The following CSMD1 variants were observed in gnomAD, a reference collection of about 807,000 sequenced individuals.
The protein encoded by CSMD1 is CUB and sushi domain-containing protein 1.
In CSMD1, 213 loss-of-function variants were observed where a neutral mutation model predicts 417.5. The ratio of observed to expected loss-of-function variants is 0.51; its 90% confidence interval spans 0.46 to 0.57. CSMD1 has a LOEUF of 0.57. Among genes scored for constraint, CSMD1 ranks in the 20% least tolerant of loss-of-function variants. The probability of loss-of-function intolerance (pLI) is 0.00; values close to 1 mark genes in which losing one functional copy is unlikely to be tolerated. For missense variants in CSMD1, 6,923 were observed against 4,529.7 expected, an observed-to-expected ratio of 1.53 and a Z score of -15.17; for synonymous variants, 2,862 against 1,736.8, an observed-to-expected ratio of 1.65 and a Z score of -16.11.
chr8:4,917,032 T>C (rs1284905565), intron 1 of CSMD1, among the ~76,000 whole-genome samples: 1 of 152,134 alleles, frequency 6.6e-6, no homozygotes, highest in Non-Finnish European at 1.5e-5. Context: ...GACTGGGTAA[T>C]TTTTGAAGAA....
chr8:3,338,944 C>T (rs1807458943), intron 23 of CSMD1, among the ~76,000 whole-genome samples: 1 of 151,322 alleles, frequency 6.6e-6, no homozygotes, highest in South Asian at 2.1e-4. Context: ...ACTAACTCGT[C>T]ATCTAGCATT....
intron 10 of CSMD1, among the ~76,000 whole-genome samples, chr8:3,571,851 T>A (rs1215984100): frequency 6.6e-6 from 1 of 152,128 alleles, no homozygotes; most frequent in Admixed American, 6.5e-5. Flanking sequence ...TTCCAAACTC[T>A]GCGTCTCACG....
chr8:3,411,806 A>C (rs1443886940), intron 12 of CSMD1, among the ~76,000 whole-genome samples: 3 of 124,186 alleles, frequency 2.4e-5, no homozygotes, highest in Non-Finnish European at 5.0e-5. Flanking sequence ...GTATATATAC[A>C]CGTATATATA....
At chr8:4,544,718 T>C (rs974156458) in intron 2 of CSMD1, among the ~76,000 whole-genome samples, 1 of 152,236 alleles carries the variant, frequency 6.6e-6, no homozygotes, top group Admixed American at 6.5e-5. Flanking sequence ...AAATTCATTC[T>C]CAGGCATGGG....
rs1351207733 is a variant in CSMD1 at position 4,000,114 on chromosome 8, G to T, written c.611-2004C>A. ...ATGTCTGTCCTGCCCCCCGCCCTCC[G>T]TGGGCACCACTGTGCAAGCACACAC... is the stretch of plus-strand genomic sequence containing the variant. On this transcript the variant is annotated intron_variant, in intron 4 of 69. Coordinates refer to ENST00000635120, the MANE Select transcript of CSMD1 (RefSeq NM_033225.6). 3.3e-5 allele frequency among the ~76,000 whole-genome samples: 5 copies of T among 152,158 alleles called. No individual in the cohort carries two copies. In the South Asian group the frequency reaches 1.0e-3, roughly 32 times the overall value.
intron 1 of CSMD1, among the ~76,000 whole-genome samples, chr8:4,847,847 C>A (rs138084762): frequency 2.6e-4 from 38 of 147,776 alleles, no homozygotes; most frequent in African/African-American, 9.3e-4. Flanking sequence ...GTATAAATTT[C>A]AGTGTTTCAT....
chr8:4,852,277 G>C (rs1033400942), intron 1 of CSMD1, among the ~76,000 whole-genome samples: 4 of 152,158 alleles, frequency 2.6e-5, no homozygotes, highest in Non-Finnish European at 4.4e-5. Flanking sequence ...CCTTGTGGGA[G>C]GTGCTGGGGT....
chr8:4,393,133 G>T (rs934395366), intron 3 of CSMD1, among the ~76,000 whole-genome samples: 32 of 151,540 alleles, frequency 2.1e-4, no homozygotes, highest in African/African-American at 7.8e-4. Context: ...GTGCCACCAC[G>T]CCCGACTAAT....
intron 12 of CSMD1, among the ~76,000 whole-genome samples, chr8:3,442,695 G>C (rs1426831178): frequency 6.6e-6 from 1 of 152,118 alleles, no homozygotes; most frequent in African/African-American, 2.4e-5. Context: ...ACGTATCCCT[G>C]TTGTTGTTAA....
chr8:3,266,466 C>A (rs745874072), intron 26 of CSMD1, among the ~76,000 whole-genome samples: 1 of 151,708 alleles, frequency 6.6e-6, no homozygotes, highest in African/African-American at 2.4e-5. Flanking sequence ...ATTAGCCGGG[C>A]ATGGTGGTAG....
chr8:4,867,468 G>A (rs2086849535), intron 1 of CSMD1, among the ~76,000 whole-genome samples: 1 of 152,038 alleles, frequency 6.6e-6, no homozygotes, highest in Non-Finnish European at 1.5e-5. Context: ...TTTATAGGCA[G>A]CAATTATCTG....
At chr8:4,841,930 A>AAAAAAAAAAAAAAAAAAAAAAAAAC (rs1192383183) in intron 1 of CSMD1, among the ~76,000 whole-genome samples, 4 of 122,420 alleles carry the variant, frequency 3.3e-5, no homozygotes, top group Non-Finnish European at 5.1e-5. Flanking sequence ...AAAAAAAAAA[A>AAAAAAAAAAAAAAAAAAAAAAAAAC]AAAAAAAAGT....
chr8:3,039,297 C>T (rs1362499623), intron 50 of CSMD1, among the ~76,000 whole-genome samples: 2 of 151,590 alleles, frequency 1.3e-5, no homozygotes, highest in Non-Finnish European at 2.9e-5. Context: ...TTCCTTACTT[C>T]CTTCCTCTCT....
chr8:3,187,750 T>G, intron 36 of CSMD1, 119 bp downstream of exon 36: 2 of 711,762 alleles, frequency 2.8e-6, no homozygotes, highest in Non-Finnish European at 4.9e-6. Context: ...GCAACCATTA[T>G]GGAGATAGAA....
chr8:3,974,103 T>TAATA lies in CSMD1; in HGVS notation c.818+23799_818+23800insTATT, dbSNP rs1563271977. The stretch of plus-strand genomic sequence containing the variant: ...GTAGGTCTTATTTATTATTTCTAAT[T>TAATA]ACTTTTTGTACCCACATAATAGGTA... On this transcript the variant is annotated intron_variant, in intron 5 of 69. Transcript: ENST00000635120. Among the ~76,000 whole-genome samples the TAATA allele has an allele frequency of 3.9e-4, 60 of 152,296 alleles. 1 individual carries two copies. The South Asian group carries it at 0.012, about 30-fold the overall frequency.
In CSMD1 at chr8:3,630,433, C is replaced by G. The variant is rs987579575; in HGVS notation, c.1010-13636G>C. ...AAAAAAGATGAATTGGCCCAAACCACTGAAACTTGAGAACAAGAAAGAAGA... is the reference window on the plus strand; with the variant it reads ...AAAAAAGATGAATTGGCCCAAACCAGTGAAACTTGAGAACAAGAAAGAAGA... On this transcript the variant is annotated intron_variant, in intron 7 of 69. Coordinates refer to ENST00000635120, the MANE Select transcript of CSMD1 (RefSeq NM_033225.6). Among the ~76,000 whole-genome samples the G allele has an allele frequency of 1.3e-5, 2 of 152,128 alleles. 1 individual carries two copies. Among genetic ancestry groups the G allele is most frequent in the Non-Finnish European group, 2.9e-5 (2 of 68,026 alleles).
intron 1 of CSMD1, among the ~76,000 whole-genome samples, chr8:4,674,045 A>G (rs1312798856): frequency 6.6e-6 from 1 of 152,220 alleles, no homozygotes; most frequent in Non-Finnish European, 1.5e-5. Context: ...CAATAAAGCT[A>G]TTATTAAAAT....
intron 12 of CSMD1, among the ~76,000 whole-genome samples, chr8:3,454,689 G>C (rs980789398): frequency 3.9e-5 from 6 of 152,214 alleles, no homozygotes; most frequent in African/African-American, 1.4e-4. Flanking sequence ...TCAGCTGTTA[G>C]TCTGATGGGC....
In CSMD1 at chr8:4,411,989, G is replaced by GGTGTGTGTGTGT. The variant is rs60793651; in HGVS notation, c.415+7952_415+7963dup. On this transcript the variant is annotated intron_variant, in intron 3 of 69. Transcript: ENST00000635120. ...AAAAGTACACAGCAACATAGCTAAG[G>GGTGTGTGTGTGT]GTGTGTGTGTGTGTGTGTGTGTGTG... Among the ~76,000 whole-genome samples, 58 of 149,052 alleles carry GGTGTGTGTGTGT rather than the reference G, an allele frequency of 3.9e-4. 2 individuals carry two copies. The South Asian group carries it at 0.011, about 29-fold the overall frequency.
Sources: gnomAD v4.1 joint callset for allele counts (sites outside exome capture counted in the v4.1 genomes callset) on GRCh38, gnomAD v4.1.1 for gene constraint, MANE v1.5 for transcripts, NCBI Gene and HGNC (gene_info 2026-07-23, HGNC 2026-07-21) for gene names.